The following PCDHA4 variants were observed in gnomAD, a reference collection of about 807,000 sequenced individuals.
The protein encoded by PCDHA4 is protocadherin alpha 4.
PCDHA4 carries 49 observed loss-of-function variants against 61.4 expected under a neutral mutation model. The observed-to-expected ratio is 0.80, with a 90% CI of 0.63 to 1.01. PCDHA4 has a LOEUF of 1.01. Ranked by LOEUF, PCDHA4 falls within the 50% of genes least tolerant of loss-of-function variation. PCDHA4 has a pLI of 0.00. For synonymous variants in PCDHA4, 590 were observed against 550.3 expected (o/e 1.07, Z -1.01); for missense variants, 1,254 against 1,235.8 (o/e 1.01, Z -0.22).
intron 1 of PCDHA4, chr5:140,881,212 G>A: frequency 9.7e-6 from 2 of 206,268 alleles, no homozygotes; most frequent in Non-Finnish European, 1.7e-5. Flanking sequence ...TCTAGCTGTT[G>A]TTTCTTGGAA....
chr5:140,808,317 A>G lies in PCDHA4; in HGVS notation c.1130A>G (p.Lys377Arg). 6.2e-7 allele frequency: 1 copy of G among 1,614,260 alleles called. No individual in the cohort carries two copies. Among genetic ancestry groups the G allele is most frequent in the Non-Finnish European group, 8.5e-7 (1 of 1,180,042 alleles). Residue 377 changes from lysine to arginine, a missense_variant, in exon 1 of 4, where the codon AAA becomes AGA. Transcript: ENST00000530339. ...ATCGCCCTGATCAGCGTGTCCGACA[A>G]AGACATGGGTGTCAATGGGCTGGTC... ...TVIALISVSDKDMGVNGLVTC... is the reference protein window; with the variant it reads ...TVIALISVSDRDMGVNGLVTC...
intron 1 of PCDHA4, chr5:140,927,062 T>C: frequency 6.2e-7 from 1 of 1,611,326 alleles, no homozygotes; most frequent in Non-Finnish European, 8.5e-7. Flanking sequence ...AACTTTCGCT[T>C]CCTTTCCAGC....
chr5:140,937,148 C>T (rs1400872734), intron 1 of PCDHA4, among the ~76,000 whole-genome samples: 6 of 151,842 alleles, frequency 4.0e-5, no homozygotes, highest in Non-Finnish European at 8.8e-5. Flanking sequence ...TGCCATTCTC[C>T]TGCCTCAGCC....
chr5:141,000,705 G>A (rs912231910), intron 3 of PCDHA4, among the ~76,000 whole-genome samples: 6 of 151,458 alleles, frequency 4.0e-5, no homozygotes, highest in African/African-American at 1.2e-4. Context: ...TGGGATTACA[G>A]GCATGAGCCA....
intron 1 of PCDHA4, chr5:140,812,673 G>A (rs1219098987): frequency 1.3e-5 from 2 of 152,072 alleles, no homozygotes; most frequent in African/African-American, 2.4e-5. Context: ...ATGTACAGAG[G>A]CACGATCATA....
intron 1 of PCDHA4, among the ~76,000 whole-genome samples, chr5:140,931,556 A>T (rs2153608416): frequency 6.6e-6 from 1 of 152,166 alleles, no homozygotes; most frequent in East Asian, 1.9e-4. Context: ...ATGTGCAGGA[A>T]TATTGTACCA....
At chr5:141,000,857 A>G (rs1002294819) in intron 3 of PCDHA4, among the ~76,000 whole-genome samples, 7 of 152,132 alleles carry the variant, frequency 4.6e-5, no homozygotes, top group African/African-American at 1.7e-4. Context: ...GCAGTCAGCC[A>G]TGACCTCACC....
intron 1 of PCDHA4, chr5:140,858,271 C>A: frequency 6.3e-7 from 1 of 1,597,124 alleles, no homozygotes. Flanking sequence ...TGTGCTCTAG[C>A]GCGGTGGGGA....
chr5:140,883,355 A>T (rs763058953), intron 1 of PCDHA4: 2 of 1,614,076 alleles, frequency 1.2e-6, no homozygotes, highest in Admixed American at 3.3e-5. Context: ...CAGAGAAGAC[A>T]CTCAGCCTAG....
chr5:140,929,440 CCTT>C, intron 1 of PCDHA4: 2 of 1,448,524 alleles, frequency 1.4e-6, no homozygotes, highest in Non-Finnish European at 1.8e-6. Flanking sequence ...ACTAAACACT[CCTT>C]CTTAGCACTT....
At chr5:140,824,195 C>G (rs1768043516) in intron 1 of PCDHA4, 1 of 1,600,220 alleles carries the variant, frequency 6.2e-7, no homozygotes, top group Non-Finnish European at 8.6e-7. Flanking sequence ...CACATTCACC[C>G]ACTTTTTTTG....
chr5:140,829,431 A>C, intron 1 of PCDHA4: 3 of 1,614,098 alleles, frequency 1.9e-6, no homozygotes, highest in Non-Finnish European at 2.5e-6. Context: ...GAGGTGGCCG[A>C]CATGAATGAC....
chr5:140,996,691 C>A (rs150925396), intron 3 of PCDHA4, among the ~76,000 whole-genome samples: 217 of 152,274 alleles, frequency 1.4e-3, no homozygotes, highest in African/African-American at 5.0e-3. Context: ...TAGTATTCTT[C>A]TGAACCTCTA....
At chr5:140,834,812 G>A in intron 1 of PCDHA4, 1 of 1,612,600 alleles carries the variant, frequency 6.2e-7, no homozygotes, top group African/African-American at 1.3e-5. Flanking sequence ...TGTTCATCGC[G>A]GAATCCAGGC....
intron 1 of PCDHA4, among the ~76,000 whole-genome samples, chr5:140,875,022 C>A (rs1267699693): frequency 1.3e-5 from 2 of 152,116 alleles, no homozygotes; most frequent in Non-Finnish European, 2.9e-5. Context: ...TAGGTTCTGG[C>A]CTACTGTATT....
chr5:140,959,370 T>C (rs1212787453), intron 1 of PCDHA4, among the ~76,000 whole-genome samples: 1 of 151,796 alleles, frequency 6.6e-6, no homozygotes, highest in African/African-American at 2.4e-5. Flanking sequence ...TGAGACCCTG[T>C]CTCAAAAAAA....
intron 1 of PCDHA4, among the ~76,000 whole-genome samples, chr5:140,899,834 G>T (rs181729880): frequency 6.6e-6 from 1 of 152,198 alleles, no homozygotes; most frequent in Admixed American, 6.5e-5. Context: ...TTTGAGACAG[G>T]TCTTGCTGTG....
At position 140,870,179 on chromosome 5, in the gene PCDHA4, G is replaced by C. The variant is rs184228916; in HGVS notation, c.2385+60607G>C. ...GTGACTTCCTTGTCCCTCCCAGTACGAGAGGACGCTCAGCCCAGCACGGTC... is the reference window on the plus strand; with the variant it reads ...GTGACTTCCTTGTCCCTCCCAGTACCAGAGGACGCTCAGCCCAGCACGGTC... On this transcript the variant is annotated intron_variant, in intron 1 of 3. Transcript: ENST00000530339. 4.9e-4 allele frequency: 783 copies of C among 1,614,104 alleles called. 1 individual carries two copies. In the African/African-American group the frequency reaches 9.2e-3, roughly 19 times the overall value.
chr5:140,828,562 G>C (rs1769827145), intron 1 of PCDHA4: 1 of 1,614,114 alleles, frequency 6.2e-7, no homozygotes, highest in Admixed American at 1.7e-5. Flanking sequence ...TGGAGGGCGC[G>C]TCCGATGCAG....
Sources: gnomAD v4.1 joint callset for allele counts (sites outside exome capture counted in the v4.1 genomes callset) on GRCh38, gnomAD v4.1.1 for gene constraint, MANE v1.5 for transcripts, NCBI Gene and HGNC (gene_info 2026-07-23, HGNC 2026-07-21) for gene names.